Variants in RAD51B observed in about 807,000 individuals in gnomAD.
The protein encoded by RAD51B is RAD51 paralog B.
Under a neutral mutation model 42.2 loss-of-function variants are expected in RAD51B, and 38 were observed. That is an observed-to-expected ratio of 0.90 (90% CI 0.70 to 1.18). RAD51B has a LOEUF of 1.18. Ranked by LOEUF, RAD51B falls within the 50% of genes most tolerant of loss-of-function variation. RAD51B has a pLI of 0.00. For missense variants in RAD51B, 373 were observed against 400.7 expected, an observed-to-expected ratio of 0.93 and a Z score of 0.59; for synonymous variants, 154 against 145.2, an observed-to-expected ratio of 1.06 and a Z score of -0.43.
chr14:68,229,700 G>GTACCTGTTCAGTGC (rs34340511), intron 7 of RAD51B, among the ~76,000 whole-genome samples: 2,933 of 151,434 alleles, frequency 0.019, 101 homozygotes, highest in African/African-American at 0.069. Context: ...CCTTTGGCGT[G>GTACCTGTTCAGTGC]TACCTGTTCA....
At chr14:68,257,314 GA>G (rs1181876474) in intron 7 of RAD51B, among the ~76,000 whole-genome samples, 1 of 151,934 alleles carries the variant, frequency 6.6e-6, no homozygotes, top group Non-Finnish European at 1.5e-5. Flanking sequence ...TAATGTCACT[GA>G]ATTATATACT....
chr14:67,850,862 C>T (rs1723521489), intron 4 of RAD51B, among the ~76,000 whole-genome samples: 1 of 152,086 alleles, frequency 6.6e-6, no homozygotes, highest in Admixed American at 6.6e-5. Flanking sequence ...CCAGTCACAC[C>T]CTTGTTCTAG....
intron 7 of RAD51B, among the ~76,000 whole-genome samples, chr14:68,074,478 A>C (rs1017791316): frequency 6.6e-6 from 1 of 152,130 alleles, no homozygotes; most frequent in Non-Finnish European, 1.5e-5. Context: ...TTTTCTGTTG[A>C]ATCTTGATTA....
At chr14:67,839,441 T>C (rs1273762280) in intron 4 of RAD51B, among the ~76,000 whole-genome samples, 11 of 152,240 alleles carry the variant, frequency 7.2e-5, no homozygotes, top group African/African-American at 2.6e-4. Flanking sequence ...ATTTTCTTTA[T>C]GTTTTCAAAT....
chr14:67,893,365 C>T (rs1344667439), intron 7 of RAD51B, among the ~76,000 whole-genome samples: 7 of 151,424 alleles, frequency 4.6e-5, no homozygotes, highest in Admixed American at 3.3e-4. Flanking sequence ...CACCTGAAAT[C>T]CCAGCATTTG....
intron 7 of RAD51B, among the ~76,000 whole-genome samples, chr14:68,062,076 A>T (rs555961261): frequency 6.6e-6 from 1 of 152,176 alleles, no homozygotes; most frequent in African/African-American, 2.4e-5. Flanking sequence ...CATTCCTTCT[A>T]TACTGAATTC....
At chr14:67,957,642 G>T (rs183005758) in intron 7 of RAD51B, among the ~76,000 whole-genome samples, 91 of 152,308 alleles carry the variant, frequency 6.0e-4, no homozygotes, top group Non-Finnish European at 1.1e-3. Flanking sequence ...GCTGTCTCCA[G>T]TCAGAAGTGA....
At chr14:68,198,360 A>G (rs2079416512) in intron 7 of RAD51B, among the ~76,000 whole-genome samples, 1 of 152,178 alleles carries the variant, frequency 6.6e-6, no homozygotes, top group African/African-American at 2.4e-5. Flanking sequence ...CTAAGTCTTA[A>G]TATCAGGTAG....
chr14:68,673,594 T>C (rs1893219509), intron 11 of RAD51B, among the ~76,000 whole-genome samples: 1 of 133,072 alleles, frequency 7.5e-6, no homozygotes, highest in Non-Finnish European at 1.6e-5. Context: ...TACATACACA[T>C]ATGTACATGC....
chr14:68,215,510 G>C (rs1245959669), intron 7 of RAD51B, among the ~76,000 whole-genome samples: 1 of 152,164 alleles, frequency 6.6e-6, no homozygotes, highest in East Asian at 1.9e-4. Context: ...TAATAGTTCC[G>C]GGAGTTAGGT....
At chr14:68,579,783 G>C (rs1185422745) in intron 10 of RAD51B, among the ~76,000 whole-genome samples, 1 of 152,226 alleles carries the variant, frequency 6.6e-6, no homozygotes, top group Non-Finnish European at 1.5e-5. Context: ...AAGGAGGCTG[G>C]CTGCCCCACT....
intron 1 of RAD51B, 84 bp from the exon 2 acceptor site, chr14:67,823,458 T>C (rs1450999686): frequency 1.8e-6 from 2 of 1,105,710 alleles, no homozygotes; most frequent in Non-Finnish European, 2.6e-6. Flanking sequence ...TTTTTAATTT[T>C]GTTTTGGATA....
At chr14:68,411,647 A>G in intron 9 of RAD51B, 120 bp downstream of exon 9, 1 of 861,982 alleles carries the variant, frequency 1.2e-6, no homozygotes. Context: ...AGCAGCTATT[A>G]GGGCCTAAAG....
At position 67,887,070 on chromosome 14, in the gene RAD51B, A is replaced by G; in HGVS notation, c.622A>G (p.Ile208Val). 6.4e-7 allele frequency: 1 copy of G among 1,569,462 alleles called. No homozygotes were observed. Among genetic ancestry groups the G allele is most frequent in the Non-Finnish European group, 8.7e-7 (1 of 1,145,910 alleles). Residue 208 changes from isoleucine to valine, a missense_variant, in exon 7 of 11, where the codon ATT becomes GTT. Transcript: ENST00000471583. The part of the protein sequence containing the change: ...EIISKGIKLV[I>V]LDSVASVVRK... Reference sequence around the variant, plus strand: ...TATCTCAAAAGGAATTAAACTTGTGATTCTTGACTCTGTTGCTTCTGTGGT... The same window carrying G: ...TATCTCAAAAGGAATTAAACTTGTGGTTCTTGACTCTGTTGCTTCTGTGGT...
At chr14:68,428,994 A>G (rs2084930429) in intron 9 of RAD51B, among the ~76,000 whole-genome samples, 1 of 150,136 alleles carries the variant, frequency 6.7e-6, no homozygotes, top group Non-Finnish European at 1.5e-5. Context: ...TATGAGTGAG[A>G]ACATGCAGTG....
At chr14:68,444,309 A>G (rs896036022) in intron 9 of RAD51B, among the ~76,000 whole-genome samples, 1 of 152,238 alleles carries the variant, frequency 6.6e-6, no homozygotes, top group Admixed American at 6.5e-5. Flanking sequence ...AGTCCTCTAC[A>G]TAGCTCTCCA....
At chr14:68,486,611 G>T (rs1290773267) in intron 10 of RAD51B, among the ~76,000 whole-genome samples, 1 of 152,148 alleles carries the variant, frequency 6.6e-6, no homozygotes, top group Admixed American at 6.5e-5. Flanking sequence ...GTGAAAAGCC[G>T]GAGGAAAGCT....
intron 7 of RAD51B, among the ~76,000 whole-genome samples, chr14:67,909,109 A>G (rs1212127141): frequency 6.6e-6 from 1 of 152,226 alleles, no homozygotes; most frequent in East Asian, 1.9e-4. Flanking sequence ...ACTGATAGAC[A>G]TAACCCCCTA....
rs78834092 is a variant in RAD51B, at chr14:68,575,340, A to G, written c.1037-19145A>G. On this transcript the variant is annotated intron_variant, in intron 10 of 10. Coordinates refer to the RAD51B transcript ENST00000487270. ...CAGAAATCAAATGCTGTCTGATGCC[A>G]AGGCTTACATGACAAGCTCCCTCCC... Among the ~76,000 whole-genome samples the G allele has an allele frequency of 8.8e-3, 1,347 of 152,302 alleles. 14 individuals are homozygous for G. The highest frequency in any genetic ancestry group is 0.026 in the African/African-American group (1,085 of 41,548).
Sources: allele counts gnomAD v4.1 joint callset (sites outside exome capture counted in the v4.1 genomes callset), GRCh38; gene constraint gnomAD v4.1.1; transcripts MANE v1.5; gene names NCBI Gene and HGNC (gene_info 2026-07-23, HGNC 2026-07-21).